Variants in RRAGD observed in about 807,000 individuals in gnomAD.
RRAGD encodes Ras related GTP binding D.
In RRAGD, 12 loss-of-function variants were observed where a neutral mutation model predicts 35.5. That is an observed-to-expected ratio of 0.34 (90% CI 0.22 to 0.55). RRAGD has a LOEUF of 0.55. Ranked by LOEUF, RRAGD falls within the 20% of genes least tolerant of loss-of-function variation. RRAGD has a pLI of 0.91. For synonymous variants in RRAGD, 155 were observed against 178.9 expected, an observed-to-expected ratio of 0.87 and a Z score of 1.07; for missense variants, 324 against 490.1, an observed-to-expected ratio of 0.66 and a Z score of 3.20.
At chr6:89,403,748 C>T (rs1769525161) in intron 1 of RRAGD, among the ~76,000 whole-genome samples, 1 of 151,518 alleles carries the variant, frequency 6.6e-6, no homozygotes, top group African/African-American at 2.4e-5. Context: ...GATCCTTCTG[C>T]CTCAGCCTCC....
chr6:89,382,822 G>T (rs1328845980), intron 2 of RRAGD, among the ~76,000 whole-genome samples: 1 of 152,032 alleles, frequency 6.6e-6, no homozygotes, highest in Non-Finnish European at 1.5e-5. Context: ...GTTGCAGTGA[G>T]CCAAGATCGT....
intron 1 of RRAGD, among the ~76,000 whole-genome samples, chr6:89,406,884 G>A (rs1357774920): frequency 6.6e-6 from 1 of 152,170 alleles, no homozygotes; most frequent in African/African-American, 2.4e-5. Flanking sequence ...CAGCTTGCCT[G>A]TCTGTGTGCT....
At chr6:89,376,874 T>C (rs1026007669) in intron 5 of RRAGD, among the ~76,000 whole-genome samples, 3 of 152,168 alleles carry the variant, frequency 2.0e-5, no homozygotes, top group Non-Finnish European at 4.4e-5. Flanking sequence ...TACACTACAG[T>C]TGACCTTAAA....
At chr6:89,395,116 G>A (rs758102550) in intron 1 of RRAGD, among the ~76,000 whole-genome samples, 10 of 151,936 alleles carry the variant, frequency 6.6e-5, no homozygotes, top group Admixed American at 2.0e-4. Flanking sequence ...AAAATTAGCC[G>A]GACCTGGTGG....
chr6:89,379,588 C>T (rs1252787345), intron 3 of RRAGD, among the ~76,000 whole-genome samples: 1 of 152,224 alleles, frequency 6.6e-6, no homozygotes, highest in African/African-American at 2.4e-5. Context: ...AGCTTACAAC[C>T]GCAGCAATCT....
At chr6:89,404,045 T>C (rs1769532667) in intron 1 of RRAGD, among the ~76,000 whole-genome samples, 1 of 152,188 alleles carries the variant, frequency 6.6e-6, no homozygotes, top group Non-Finnish European at 1.5e-5. Context: ...ATTACACACG[T>C]GCTTGAAGAA....
In RRAGD at chr6:89,365,720, A is replaced by G. The variant is rs1768729979; in HGVS notation, c.*2336T>C. ...CCAAAGAATCATTTGCTCTTGAAGT[A>G]ATAGGCTTTTTAAGGCACATTTTAA... On this transcript the variant is annotated 3_prime_UTR_variant, in exon 7 of 7. Coordinates refer to ENST00000369415, the MANE Select transcript of RRAGD (RefSeq NM_021244.5). 1 of 152,202 alleles carries G rather than the reference A, an allele frequency of 6.6e-6. No homozygotes were observed. The highest frequency in any genetic ancestry group is 2.4e-5 in the African/African-American group (1 of 41,462). 9.4% of individuals were successfully genotyped at this position (152,202 alleles called of 1,614,324 possible).
Position 89,365,355 on chromosome 6 carries a change from A to C in RRAGD, c.*2701T>G, listed in dbSNP as rs1302499369. On this transcript the variant is annotated 3_prime_UTR_variant, in exon 7 of 7. Coordinates refer to ENST00000369415, the MANE Select transcript of RRAGD (RefSeq NM_021244.5). Reference sequence around the variant, plus strand: ...CCTGCAAGGCAAGTTCTCAATCCCTAAAACCAAGCAAAAATGTTCCAGTGC... The same window carrying C: ...CCTGCAAGGCAAGTTCTCAATCCCTCAAACCAAGCAAAAATGTTCCAGTGC... 6.6e-6 allele frequency: 1 copy of C among 152,220 alleles called. No homozygotes were observed. The highest frequency in any genetic ancestry group is 6.5e-5 in the Admixed American group (1 of 15,272). The allele number at this position is 152,220 out of a possible 1,614,324, so 9.4% of individuals were successfully genotyped here.
At chr6:89,382,400 AATAT>A (rs58343827) in intron 2 of RRAGD, among the ~76,000 whole-genome samples, 13 of 130,878 alleles carry the variant, frequency 9.9e-5, no homozygotes, top group Admixed American at 2.4e-4. Flanking sequence ...TATCTCTAGA[AATAT>A]ATATATATAT....
At chr6:89,410,660 T>C (rs1270198416) in intron 1 of RRAGD, among the ~76,000 whole-genome samples, 1 of 152,240 alleles carries the variant, frequency 6.6e-6, no homozygotes. Flanking sequence ...TGCTTTCTCA[T>C]CTACCAGGCG....
Position 89,367,989 on chromosome 6 carries a change from T to G in RRAGD, c.*67A>C, listed in dbSNP as rs895877995. ...CCCAATCTCCTTCTTCCTCTTCCTTTAGTGCAACATGGCGCAGCAGCCTCA... is the reference window on the plus strand; with the variant it reads ...CCCAATCTCCTTCTTCCTCTTCCTTGAGTGCAACATGGCGCAGCAGCCTCA... On this transcript the variant is annotated 3_prime_UTR_variant, in exon 7 of 7. Coordinates refer to ENST00000369415, the MANE Select transcript of RRAGD (RefSeq NM_021244.5). 5.0e-6 allele frequency: 7 copies of G among 1,388,948 alleles called. No homozygotes were observed. Among genetic ancestry groups the G allele is most frequent in the Non-Finnish European group, 6.8e-6 (7 of 1,033,882 alleles). The allele number at this position is 1,388,948 out of a possible 1,614,324, so 86.0% of individuals were successfully genotyped here.
At chr6:89,406,911 C>G (rs75352061) in intron 1 of RRAGD, among the ~76,000 whole-genome samples, 14,120 of 152,238 alleles carry the variant, frequency 0.093, 711 homozygotes, top group African/African-American at 0.12. Context: ...GAGGTTTGAG[C>G]AGCAGAGCAC....
Position 89,400,283 on chromosome 6 carries a change from G to A in RRAGD, c.148+11563C>T, listed in dbSNP as rs77628193. On this transcript the variant is annotated intron_variant, in intron 1 of 6. Transcript: ENST00000369415. ...TAAAAACAAAAAACTAGAAAATATC[G>A]GAGCACATGGTACAGCACAAGAGTA... Among the ~76,000 whole-genome samples, 953 of 152,078 alleles carry A rather than the reference G, an allele frequency of 6.3e-3. 6 individuals are homozygous for A. Among genetic ancestry groups the A allele is most frequent in the Non-Finnish European group, 9.8e-3 (665 of 67,982 alleles).
At chr6:89,372,236 G>A (rs1216322053) in intron 6 of RRAGD, among the ~76,000 whole-genome samples, 1 of 152,188 alleles carries the variant, frequency 6.6e-6, no homozygotes, top group African/African-American at 2.4e-5. Context: ...CCACTAGAGG[G>A]CAGGCCAGTT....
intron 1 of RRAGD, among the ~76,000 whole-genome samples, chr6:89,394,247 A>G (rs1769290551): frequency 6.6e-6 from 1 of 152,136 alleles, no homozygotes; most frequent in African/African-American, 2.4e-5. Context: ...AAAAAATCAT[A>G]GTGTAACTTC....
At chr6:89,369,396 A>C (rs1768819751) in intron 6 of RRAGD, among the ~76,000 whole-genome samples, 1 of 152,232 alleles carries the variant, frequency 6.6e-6, no homozygotes, top group African/African-American at 2.4e-5. Context: ...GCTTAGCTAA[A>C]AGAACTTGGC....
intron 6 of RRAGD, 88 bp from the exon 7 acceptor site, chr6:89,368,295 G>T: frequency 8.3e-7 from 1 of 1,207,790 alleles, no homozygotes; most frequent in East Asian, 2.4e-5. Flanking sequence ...CAAGCCAGTA[G>T]GGGGCAGTAG....
intron 6 of RRAGD, among the ~76,000 whole-genome samples, chr6:89,370,928 A>C (rs137933539): frequency 6.6e-6 from 1 of 151,864 alleles, no homozygotes; most frequent in African/African-American, 2.4e-5. Context: ...TATTATTTCT[A>C]AATTTTCTAA....
At chr6:89,379,073 A>C in intron 4 of RRAGD, 151 bp downstream of exon 4, 3 of 509,428 alleles carry the variant, frequency 5.9e-6, no homozygotes, top group Non-Finnish European at 1.0e-5. Context: ...ATTTTAAAGG[A>C]TCTAAAAGAA....
Sources: allele counts gnomAD v4.1 joint callset (sites outside exome capture counted in the v4.1 genomes callset), GRCh38; gene constraint gnomAD v4.1.1; transcripts MANE v1.5; gene names NCBI Gene and HGNC (gene_info 2026-07-23, HGNC 2026-07-21).